Variants in NVL observed in about 807,000 individuals in gnomAD.
NVL encodes the protein nuclear valosin-containing protein-like.
A neutral mutation model predicts 110.2 loss-of-function variants in NVL; 84 were observed. The observed-to-expected ratio is 0.76, with a 90% CI of 0.64 to 0.91. NVL has a LOEUF of 0.91. NVL is among the 40% of genes least tolerant of loss of function. NVL has a pLI of 0.00. For synonymous variants in NVL, 354 were observed against 361.1 expected (o/e 0.98, Z 0.22); for missense variants, 882 against 1,035.9 (o/e 0.85, Z 2.04).
Position 224,231,243 on chromosome 1 carries a change from A to T in NVL, c.2509T>A (p.Ser837Thr). The change falls in exon 22 of 23, where the codon TCA (serine) becomes ACA (threonine). Residue 837 changes from serine to threonine, a missense_variant. Ser to Thr is a moderately conservative substitution (Grantham distance 58, BLOSUM62 1). This residue lies in a region of NVL where 126 missense variants were observed against 140.7 expected (regional missense o/e 0.90). Coordinates refer to ENST00000281701, the MANE Select transcript of NVL (RefSeq NM_002533.4). ...HFEEAFKKVR[S>T]SISKKDQIMY... is the part of the protein sequence containing the mutation. ...TTGCTTACCTTTTTTGATATAGATG[A>T]TCTTACTTTCTTGAAAGCTTCTTCA... 1 of 1,612,204 alleles carries T rather than the reference A, an allele frequency of 6.2e-7. No individual in the cohort carries two copies. The highest frequency in any genetic ancestry group is 8.5e-7 in the Non-Finnish European group (1 of 1,179,208).
At chr1:224,316,610 G>T (rs1670088255) in intron 4 of NVL, among the ~76,000 whole-genome samples, 1 of 145,516 alleles carries the variant, frequency 6.9e-6, no homozygotes, top group Admixed American at 7.1e-5. Flanking sequence ...AGTCAAGGCT[G>T]CAATGAGCTG....
At chr1:224,294,902 G>C (rs1413663678) in intron 11 of NVL, among the ~76,000 whole-genome samples, 1 of 152,220 alleles carries the variant, frequency 6.6e-6, no homozygotes, top group Non-Finnish European at 1.5e-5. Context: ...TCCAGGCAAG[G>C]TGAGCAGGAC....
In NVL at chr1:224,242,448, A is replaced by C. The variant is rs543147937; in HGVS notation, c.2290-5866T>G. ...TAATTCAAGATGTGCTACTACTTTT[A>C]TTTTAACAAATATTTTCATTTGGTC... On this transcript the variant is annotated intron_variant, in intron 19 of 22. Coordinates refer to ENST00000281701, the MANE Select transcript of NVL (RefSeq NM_002533.4). Among the ~76,000 whole-genome samples the C allele has an allele frequency of 4.1e-5, 6 of 147,160 alleles. No individual in the cohort carries two copies. The South Asian group carries it at 1.3e-3, about 32-fold the overall frequency.
At chr1:224,266,159 A>G (rs930479493) in intron 18 of NVL, among the ~76,000 whole-genome samples, 2 of 152,130 alleles carry the variant, frequency 1.3e-5, no homozygotes, top group African/African-American at 4.8e-5. Context: ...TACTGGAAAA[A>G]ACTGGATCAA....
chr1:224,259,760 T>C (rs912956605), intron 18 of NVL, among the ~76,000 whole-genome samples: 1 of 152,110 alleles, frequency 6.6e-6, no homozygotes, highest in Admixed American at 6.6e-5. Context: ...GTTCAAGCAA[T>C]TCTTGTGCCT....
chr1:224,230,354 C>T (rs1036977153), intron 22 of NVL, among the ~76,000 whole-genome samples: 1 of 152,188 alleles, frequency 6.6e-6, no homozygotes, highest in South Asian at 2.1e-4. Context: ...CCTGTAATCC[C>T]AGCACTTTGG....
chr1:224,254,564 T>C (rs1425830989), intron 18 of NVL, among the ~76,000 whole-genome samples: 2 of 35,786 alleles, frequency 5.6e-5, no homozygotes. Context: ...GGCTAATTTG[T>C]TTTTTTTGTT....
chr1:224,327,924 G>T (rs1330450564), intron 1 of NVL, among the ~76,000 whole-genome samples: 1 of 151,848 alleles, frequency 6.6e-6, no homozygotes, highest in Non-Finnish European at 1.5e-5. Flanking sequence ...TGTTTGAGAA[G>T]GTCTGTGTGG....
chr1:224,305,433 T>G, intron 6 of NVL: 1 of 299,768 alleles, frequency 3.3e-6, no homozygotes. Context: ...AAGATTAGCA[T>G]GGCCCCTGTG....
chr1:224,231,127 C>G (rs559082624), intron 22 of NVL, 99 bp downstream of exon 22: 4 of 782,424 alleles, frequency 5.1e-6, no homozygotes. Flanking sequence ...AGCAAGACTC[C>G]GTCTCAAAAA....
At chr1:224,297,343 G>GT (rs1031529353) in intron 10 of NVL, among the ~76,000 whole-genome samples, 3 of 152,112 alleles carry the variant, frequency 2.0e-5, no homozygotes, top group African/African-American at 4.8e-5. Flanking sequence ...ATCACCTCCA[G>GT]TTTTTTTGTT....
At chr1:224,305,647 T>G (rs528358998) in intron 6 of NVL, among the ~76,000 whole-genome samples, 5 of 152,326 alleles carry the variant, frequency 3.3e-5, no homozygotes, top group Middle Eastern at 3.4e-3. Flanking sequence ...AACCTCCACC[T>G]CCTAGGTTCA....
rs1558275173 is a variant in NVL, at chr1:224,264,763, C to CA, written c.2182+3270dup. On this transcript the variant is annotated intron_variant, in intron 18 of 22. Coordinates refer to ENST00000281701, the MANE Select transcript of NVL (RefSeq NM_002533.4). ...TTATTATTATTATTATTTTTTGAGA[C>CA]AGAGTCTCGCTTTGTCACTCAGGCT... is the stretch of plus-strand genomic sequence containing the variant. Among the ~76,000 whole-genome samples the CA allele has an allele frequency of 9.9e-5, 15 of 151,720 alleles. 1 individual carries two copies. The highest frequency in any genetic ancestry group is 9.8e-4 in the Admixed American group (15 of 15,238).
At chr1:224,294,166 G>A in intron 12 of NVL, 101 bp downstream of exon 12, 4 of 1,246,326 alleles carry the variant, frequency 3.2e-6, no homozygotes, top group Non-Finnish European at 4.6e-6. Context: ...AAAAGAAAGA[G>A]AGAGAAAGAA....
chr1:224,296,648 T>C lies in NVL; in HGVS notation c.1063-30A>G, dbSNP rs16846212. 0.014 allele frequency: 18,642 copies of C among 1,325,632 alleles called. 1,470 individuals carry two copies. In the African/African-American group the frequency reaches 0.2, roughly 14 times the overall value. 82.1% of individuals were successfully genotyped at this position (1,325,632 alleles called of 1,614,324 possible). A position where few individuals can be genotyped will look rare whatever the true frequency, so the allele number is the denominator to read the frequency against. Reference sequence around the variant, plus strand: ...AAATAAAAATATCACAAAAAGACAATCATAAATGCATCCCCTATACTGAAG... The same window carrying C: ...AAATAAAAATATCACAAAAAGACAACCATAAATGCATCCCCTATACTGAAG... On this transcript the variant is annotated intron_variant, in intron 10 of 22. Coordinates refer to ENST00000281701, the MANE Select transcript of NVL (RefSeq NM_002533.4).
Position 224,317,813 on chromosome 1 carries a change from G to T in NVL, c.185-20C>A. The T allele has an allele frequency of 6.4e-7, 1 of 1,559,212 alleles. No homozygotes were observed. The highest frequency in any genetic ancestry group is 8.8e-7 in the Non-Finnish European group (1 of 1,132,968). ...TAAATACTGAAACAAAAAGAAAAAC[G>T]CTATGAGCTAAAACAATCGTTTGTA... is the stretch of plus-strand genomic sequence containing the variant. On this transcript the variant is annotated intron_variant, in intron 3 of 22. Coordinates refer to ENST00000281701, the MANE Select transcript of NVL (RefSeq NM_002533.4).
chr1:224,325,571 TAAAAATACA>T (rs917498913), intron 2 of NVL, among the ~76,000 whole-genome samples: 9 of 151,958 alleles, frequency 5.9e-5, no homozygotes, highest in African/African-American at 2.2e-4. Context: ...CTGTCTCTAC[TAAAAATACA>T]AAATTACCCA....
intron 17 of NVL, among the ~76,000 whole-genome samples, chr1:224,275,061 T>C (rs958688652): frequency 6.6e-6 from 1 of 152,196 alleles, no homozygotes; most frequent in Non-Finnish European, 1.5e-5. Flanking sequence ...GGCAAGCTAT[T>C]TAAAACAATA....
At chr1:224,325,937 C>T (rs1398820746) in intron 2 of NVL, among the ~76,000 whole-genome samples, 2 of 152,110 alleles carry the variant, frequency 1.3e-5, no homozygotes, top group African/African-American at 4.8e-5. Context: ...CAGGTGCATG[C>T]CACCAAGCCT....
Sources: gnomAD v4.1 joint callset for allele counts (sites outside exome capture counted in the v4.1 genomes callset) on GRCh38, gnomAD v4.1.1 for gene constraint, gnomAD v4.1.1 regional missense constraint, MANE v1.5 for transcripts, NCBI Gene and HGNC (gene_info 2026-07-23, HGNC 2026-07-21) for gene names.